Variants in ZNF761 observed in about 807,000 individuals in gnomAD.
The protein encoded by ZNF761 is zinc finger protein 761.
In ZNF761, 43 loss-of-function variants were observed where a neutral mutation model predicts 59.9. The observed-to-expected ratio is 0.72, with a 90% confidence interval of 0.56 to 0.92. The LOEUF (loss-of-function observed/expected upper bound fraction) is 0.92. ZNF761 is among the 40% of genes least tolerant of loss of function. The pLI is 0.00. For missense variants in ZNF761, 850 were observed against 906.1 expected (o/e 0.94, Z 0.79); for synonymous variants, 294 against 304.8 (o/e 0.96, Z 0.37).
At chr19:53,432,337 G>T (rs1409822217) in intron 1 of ZNF761, among the ~76,000 whole-genome samples, 3 of 152,188 alleles carry the variant, frequency 2.0e-5, no homozygotes, top group Non-Finnish European at 4.4e-5. Flanking sequence ...CCTGAGAGGT[G>T]GATTCTCGCC....
chr19:53,433,341 A>C (rs1286848854), intron 1 of ZNF761, among the ~76,000 whole-genome samples: 1 of 152,010 alleles, frequency 6.6e-6, no homozygotes. Context: ...CTCGTAGCTG[A>C]GTTGAAAGAA....
At chr19:53,449,147 C>CAAAAATTAACT (rs2086191861) in intron 3 of ZNF761, among the ~76,000 whole-genome samples, 3 of 151,822 alleles carry the variant, frequency 2.0e-5, no homozygotes, top group African/African-American at 7.3e-5. Flanking sequence ...CTGGCTATTA[C>CAAAAATTAACT]GGTGAAACCC....
At chr19:53,442,297 G>C (rs2086109098) in intron 1 of ZNF761, 2 of 1,307,692 alleles carry the variant, frequency 1.5e-6, no homozygotes, top group Non-Finnish European at 1.1e-6. Flanking sequence ...ACAGAGGAAC[G>C]AGCTGAGCTG....
intron 1 of ZNF761, chr19:53,442,476 G>T: frequency 5.3e-6 from 4 of 748,616 alleles, no homozygotes; most frequent in African/African-American, 1.7e-5. Context: ...TGCTGAGTTG[G>T]CTGAGAGATC....
rs552497773 is a variant in ZNF761, at chr19:53,453,207, T to A, written c.143-1443T>A. Among the ~76,000 whole-genome samples the A allele has an allele frequency of 3.2e-4, 49 of 152,138 alleles. 1 individual carries two copies. Among genetic ancestry groups the A allele is most frequent in the Non-Finnish European group, 6.3e-4 (43 of 68,020 alleles). The stretch of plus-strand genomic sequence containing the variant: ...TTAGTAGAGTTGGGATTTCACCATG[T>A]TGGCCAAGCTACTCTCGAACTCCTG... On this transcript the variant is annotated intron_variant, in intron 4 of 4. Coordinates refer to ENST00000684525, the MANE Select transcript of ZNF761 (RefSeq NM_001289951.2).
chr19:53,442,439 T>G (rs572383453), intron 1 of ZNF761: 9 of 845,690 alleles, frequency 1.1e-5, no homozygotes, highest in Non-Finnish European at 1.8e-5. Context: ...AGATTCTTAC[T>G]GATAATCTCA....
At position 53,455,684 on chromosome 19, in the gene ZNF761, C is replaced by T; in HGVS notation, c.1177C>T (p.His393Tyr). The part of the protein sequence containing the change: ...KCNECGKTFS[H>Y]KSSLTCHRRL... Reference sequence around the variant, plus strand: ...TAATGAGTGTGGCAAGACCTTTAGTCACAAGTCATCCCTTACATGCCATCG... The same window carrying T: ...TAATGAGTGTGGCAAGACCTTTAGTTACAAGTCATCCCTTACATGCCATCG... Residue 393 changes from histidine (H) to tyrosine (Y), a missense_variant, in exon 5 of 5, where the codon CAC (histidine) becomes TAC (tyrosine). His to Tyr is a moderately conservative substitution (Grantham distance 83). Transcript: ENST00000684525. 5 of 1,612,778 alleles carry T rather than the reference C, an allele frequency of 3.1e-6. No individual in the cohort carries two copies. Among genetic ancestry groups the T allele is most frequent in the South Asian group, 1.1e-5 (1 of 91,008 alleles).
rs541856321 is a variant in ZNF761 at position 53,451,173 on chromosome 19, T to C, written c.142+1535T>C. Among the ~76,000 whole-genome samples the C allele has an allele frequency of 2.9e-3, 438 of 152,360 alleles. 3 individuals carry two copies. Among genetic ancestry groups the C allele is most frequent in the Non-Finnish European group, 5.4e-3 (369 of 68,040 alleles). The stretch of plus-strand genomic sequence containing the variant: ...GAATTATGAAGAAAAGGTACACTTA[T>C]AACAGTTTATGTGTCCTTTTATTTG... On this transcript the variant is annotated intron_variant, in intron 4 of 4. Transcript: ENST00000684525.
In ZNF761 at chr19:53,455,486, A is replaced by T; in HGVS notation, c.979A>T (p.Lys327Ter). The T allele has an allele frequency of 6.2e-7, 1 of 1,614,134 alleles. No individual in the cohort carries two copies. The highest frequency in any genetic ancestry group is 2.2e-5 in the East Asian group (1 of 44,868). Residue 327 changes from lysine to a stop codon, truncating the protein, a stop_gained, in exon 5 of 5, where the codon AAG becomes TAG. Transcript: ENST00000684525. LOFTEE classifies it high-confidence loss of function. Reference sequence around the variant, plus strand: ...AATTCATACTGAAGAGAAACCATATAAGTGTAATGAGTGTGGCAAGACCTT... The same window carrying T: ...AATTCATACTGAAGAGAAACCATATTAGTGTAATGAGTGTGGCAAGACCTT... The part of the protein sequence containing the change: ...RIIHTEEKPY[K>*]CNECGKTFRQ...
chr19:53,437,178 C>T (rs907944253), intron 1 of ZNF761, among the ~76,000 whole-genome samples: 1 of 151,980 alleles, frequency 6.6e-6, no homozygotes, highest in African/African-American at 2.4e-5. Flanking sequence ...AATAGCCAGT[C>T]GTGTTGGCAG....
intron 1 of ZNF761, among the ~76,000 whole-genome samples, chr19:53,434,899 G>A (rs1436688284): frequency 2.6e-5 from 4 of 152,154 alleles, no homozygotes; most frequent in Non-Finnish European, 5.9e-5. Context: ...TGATGCTCTG[G>A]TAACTTCTGG....
chr19:53,447,182 T>C lies in ZNF761; in HGVS notation c.-73-14T>C. ...TTGATTCTGAGCAATAAACAACATATTTCTAACATTCAGGATTGACTTCTA... is the reference window on the plus strand; with the variant it reads ...TTGATTCTGAGCAATAAACAACATACTTCTAACATTCAGGATTGACTTCTA... On this transcript the variant is annotated splice_polypyrimidine_tract_variant and intron_variant, in intron 2 of 4. Transcript: ENST00000684525. The C allele has an allele frequency of 1.3e-6, 2 of 1,537,822 alleles. No homozygotes were observed. The highest frequency in any genetic ancestry group is 1.8e-6 in the Non-Finnish European group (2 of 1,126,924).
intron 1 of ZNF761, among the ~76,000 whole-genome samples, chr19:53,436,657 G>T (rs570725253): frequency 9.2e-5 from 14 of 152,236 alleles, no homozygotes; most frequent in African/African-American, 3.4e-4. Flanking sequence ...TTTATTTTTA[G>T]CAGACTTGTG....
In ZNF761 at chr19:53,454,653, T is replaced by C. The variant is rs777778106; in HGVS notation, c.146T>C (p.Ile49Thr). Residue 49 changes from isoleucine to threonine, a missense_variant, in exon 5 of 5, where the codon ATC (isoleucine) becomes ACC (threonine). Coordinates refer to ENST00000684525, the MANE Select transcript of ZNF761 (RefSeq NM_001289951.2). The stretch of plus-strand genomic sequence containing the variant: ...TTTCGGTGTTTATGTTTTGTAGATA[T>C]CTCTTCCAAATGCACGATGAAGGAG... Reference protein sequence around the residue: ...ENYRNLVSLDISSKCTMKEFL... With the variant: ...ENYRNLVSLDTSSKCTMKEFL... 1.8e-5 allele frequency: 29 copies of C among 1,587,826 alleles called. No homozygotes were observed. The highest frequency in any genetic ancestry group is 1.7e-4 in the Middle Eastern group (1 of 5,932).
At chr19:53,452,679 G>A (rs544492457) in intron 4 of ZNF761, among the ~76,000 whole-genome samples, 35 of 152,346 alleles carry the variant, frequency 2.3e-4, no homozygotes, top group Middle Eastern at 3.4e-3. Context: ...GGTTCCTGGT[G>A]AGAGCATTCT....
At chr19:53,442,887 A>C (rs2086114828) in intron 1 of ZNF761, 1 of 415,438 alleles carries the variant, frequency 2.4e-6, no homozygotes, top group Non-Finnish European at 4.6e-6. Flanking sequence ...GTGAAAAAAA[A>C]AATACATAAT....
At chr19:53,445,619 T>C (rs1374204807) in intron 1 of ZNF761, among the ~76,000 whole-genome samples, 1 of 152,134 alleles carries the variant, frequency 6.6e-6, no homozygotes, top group Non-Finnish European at 1.5e-5. Flanking sequence ...GTGGCCTTTC[T>C]TCTGGCAGAG....
intron 3 of ZNF761, among the ~76,000 whole-genome samples, chr19:53,447,546 A>C (rs1301680064): frequency 6.6e-6 from 1 of 152,092 alleles, no homozygotes; most frequent in African/African-American, 2.4e-5. Context: ...TGAGGGTCCC[A>C]TGGTGTCAGT....
intron 3 of ZNF761, among the ~76,000 whole-genome samples, 166 bp downstream of exon 3, chr19:53,447,449 C>T (rs1240621076): frequency 3.9e-5 from 6 of 152,250 alleles, no homozygotes; most frequent in East Asian, 3.9e-4. Context: ...TTCCATCTCT[C>T]GTGATCCAGT....
Sources: gnomAD v4.1 joint callset for allele counts (sites outside exome capture counted in the v4.1 genomes callset) on GRCh38, gnomAD v4.1.1 for gene constraint, MANE v1.5 for transcripts, NCBI Gene and HGNC (gene_info 2026-07-23, HGNC 2026-07-21) for gene names.